Variants in LIMD1 observed in about 807,000 individuals in gnomAD.
LIMD1 encodes the protein LIM domain-containing protein 1.
Under a neutral mutation model 58.4 loss-of-function variants are expected in LIMD1, and 23 were observed. The ratio of observed to expected loss-of-function variants is 0.39; its 90% confidence interval spans 0.28 to 0.56. The LOEUF (loss-of-function observed/expected upper bound fraction) is 0.56, where lower values mean the gene tolerates loss of function less well. Ranked by LOEUF, LIMD1 falls within the 20% of genes least tolerant of loss-of-function variation. LIMD1 has a pLI of 0.57. For missense variants in LIMD1, 838 were observed against 855.5 expected (o/e 0.98, Z 0.25); for synonymous variants, 334 against 345.5 (o/e 0.97, Z 0.37).
chr3:45,603,590 C>T (rs13097531), intron 1 of LIMD1, among the ~76,000 whole-genome samples: 35,185 of 152,100 alleles, frequency 0.23, 4,289 homozygotes, highest in East Asian at 0.36. Context: ...ACATTCAAGA[C>T]TCCAATCTCT....
chr3:45,673,292 A>G (rs1697618888), intron 5 of LIMD1, among the ~76,000 whole-genome samples, 162 bp from the exon 6 acceptor site: 1 of 152,218 alleles, frequency 6.6e-6, no homozygotes, highest in South Asian at 2.1e-4. Flanking sequence ...ATACTAAGGC[A>G]TATTCCACAA....
At chr3:45,649,447 C>T (rs939402025) in intron 2 of LIMD1, among the ~76,000 whole-genome samples, 4 of 151,282 alleles carry the variant, frequency 2.6e-5, no homozygotes, top group Admixed American at 1.3e-4. Context: ...TTTGGGAGGC[C>T]GAGGCGGGCC....
chr3:45,639,371 T>C (rs1014652327), intron 2 of LIMD1, among the ~76,000 whole-genome samples: 1 of 152,318 alleles, frequency 6.6e-6, no homozygotes, highest in South Asian at 2.1e-4. Context: ...GGAAAACCAA[T>C]TGATGAGCGT....
intron 2 of LIMD1, among the ~76,000 whole-genome samples, chr3:45,650,327 T>C (rs1701954834): frequency 6.6e-6 from 1 of 152,186 alleles, no homozygotes. Flanking sequence ...CTTTTTGTTA[T>C]TTATTTATGT....
intron 4 of LIMD1, among the ~76,000 whole-genome samples, chr3:45,669,587 C>A (rs144872144): frequency 5.9e-5 from 9 of 152,230 alleles, no homozygotes; most frequent in African/African-American, 9.6e-5. Context: ...CACTCAAGAC[C>A]CCACTCCCAC....
chr3:45,619,827 C>CT (rs1701613374), intron 1 of LIMD1, among the ~76,000 whole-genome samples: 2 of 55,904 alleles, frequency 3.6e-5, no homozygotes, highest in Admixed American at 1.7e-4. Context: ...ACCAACCCCC[C>CT]GCCCCCCCCC....
At chr3:45,636,791 T>G (rs757267583) in intron 2 of LIMD1, among the ~76,000 whole-genome samples, 1 of 152,186 alleles carries the variant, frequency 6.6e-6, no homozygotes, top group Non-Finnish European at 1.5e-5. Context: ...AGCACACACC[T>G]GTGGGCATCT....
chr3:45,629,412 CAAA>C (rs57306025), intron 1 of LIMD1, among the ~76,000 whole-genome samples: 2 of 97,546 alleles, frequency 2.1e-5, no homozygotes, highest in East Asian at 2.6e-4. Context: ...ACTCTTGTCT[CAAA>C]AAAAAAAAAA....
rs955252042 is a variant in LIMD1, at chr3:45,654,571, G to C, written c.1511-11079G>C. ...CACGGCCTGCAGGTGGCTCACACCTGTAATCCCAGCACTGTGGGAGGCTGA... is the reference window on the plus strand; with the variant it reads ...CACGGCCTGCAGGTGGCTCACACCTCTAATCCCAGCACTGTGGGAGGCTGA... On this transcript the variant is annotated intron_variant, in intron 2 of 7. Coordinates refer to ENST00000273317, the MANE Select transcript of LIMD1 (RefSeq NM_014240.3). Among the ~76,000 whole-genome samples, 5 of 152,086 alleles carry C rather than the reference G, an allele frequency of 3.3e-5. No homozygotes were observed. The East Asian group carries it at 9.7e-4, about 29-fold the overall frequency.
In LIMD1 at chr3:45,676,956, A is replaced by G; in HGVS notation, c.1928A>G (p.His643Arg). The part of the protein sequence containing the change: ...CGLELNDEDG[H>R]RCYPLEDHLF... ...CTGGAGCTCAATGATGAAGATGGCC[A>G]CCGCTGTTATCCGCTGGAGGACCAC... Residue 643 changes from histidine (H) to arginine (R), a missense_variant, in exon 8 of 8, where the codon CAC (histidine) becomes CGC (arginine). Physicochemically the swap from His to Arg is conservative, Grantham distance 29. This residue lies in a region of LIMD1 where 174 missense variants were observed against 197.4 expected (regional missense o/e 0.88). Coordinates refer to ENST00000273317, the MANE Select transcript of LIMD1 (RefSeq NM_014240.3). The G allele has an allele frequency of 6.2e-7, 1 of 1,614,136 alleles. No individual in the cohort carries two copies. Among genetic ancestry groups the G allele is most frequent in the Non-Finnish European group, 8.5e-7 (1 of 1,180,002 alleles).
chr3:45,664,953 C>G (rs1697492591), intron 2 of LIMD1, among the ~76,000 whole-genome samples: 1 of 152,036 alleles, frequency 6.6e-6, no homozygotes, highest in Non-Finnish European at 1.5e-5. Flanking sequence ...CCCGGGACAC[C>G]CTCTGCTGAC....
chr3:45,671,027 A>G (rs1253034412), intron 4 of LIMD1, among the ~76,000 whole-genome samples: 1 of 152,218 alleles, frequency 6.6e-6, no homozygotes, highest in Non-Finnish European at 1.5e-5. Flanking sequence ...CACAATGTGG[A>G]TTAAATTAAT....
At chr3:45,675,639 A>G (rs1489369530) in intron 7 of LIMD1, among the ~76,000 whole-genome samples, 2 of 124,864 alleles carry the variant, frequency 1.6e-5, no homozygotes, top group Non-Finnish European at 3.8e-5. Context: ...AATTAAAGTC[A>G]TGTATCATTT....
chr3:45,637,159 A>G (rs1701797240), intron 2 of LIMD1, among the ~76,000 whole-genome samples: 1 of 152,200 alleles, frequency 6.6e-6, no homozygotes, highest in South Asian at 2.1e-4. Flanking sequence ...AAACCCTGCT[A>G]ATCAGAATCA....
At chr3:45,627,929 A>T (rs148656130) in intron 1 of LIMD1, among the ~76,000 whole-genome samples, 7,319 of 149,446 alleles carry the variant, frequency 0.049, 213 homozygotes, top group East Asian at 0.14. Context: ...AATCGCTTGA[A>T]CCTGGGAGGC....
intron 7 of LIMD1, among the ~76,000 whole-genome samples, chr3:45,675,677 C>T (rs887334964): frequency 1.3e-5 from 2 of 151,830 alleles, no homozygotes; most frequent in Admixed American, 6.6e-5. Flanking sequence ...ACAATTAAAA[C>T]GTTAAAAGAA....
chr3:45,681,997 C>G lies in LIMD1; in HGVS notation c.*4938C>G, dbSNP rs559433362. The G allele has an allele frequency of 1.3e-5, 2 of 152,274 alleles. No individual in the cohort carries two copies. Among genetic ancestry groups the G allele is most frequent in the South Asian group, 2.1e-4 (1 of 4,822 alleles). 9.4% of individuals were successfully genotyped at this position (152,274 alleles called of 1,614,324 possible). On this transcript the variant is annotated 3_prime_UTR_variant, in exon 8 of 8. Transcript: ENST00000273317. ...GACAGCCACATGCAGGAAGACAGGACTTGTAGAGTGTTGGGGCCAAGTGTG... is the reference window on the plus strand; with the variant it reads ...GACAGCCACATGCAGGAAGACAGGAGTTGTAGAGTGTTGGGGCCAAGTGTG...
At chr3:45,650,162 T>C (rs1204439849) in intron 2 of LIMD1, among the ~76,000 whole-genome samples, 2 of 152,282 alleles carry the variant, frequency 1.3e-5, no homozygotes, top group South Asian at 4.2e-4. Context: ...AGCTCACTTA[T>C]GCCCATTTCG....
chr3:45,595,266 G>T lies in LIMD1; in HGVS notation c.387G>T (p.Pro129=), dbSNP rs776359286. ...CTGCTGGGCAGCCCCCGTACCCACC[G>T]CAGGAGCAGAGATCCAGGCCATACC... ...TLAAGQPPYP[P]QEQRSRPYLH... Residue 129 remains proline (P), a synonymous_variant, in exon 1 of 8, where the codon CCG becomes CCT. Transcript: ENST00000273317. 1.9e-6 allele frequency: 3 copies of T among 1,611,596 alleles called. No individual in the cohort carries two copies. Among genetic ancestry groups the T allele is most frequent in the Admixed American group, 1.7e-5 (1 of 59,966 alleles).
Sources: gnomAD v4.1 joint callset for allele counts (sites outside exome capture counted in the v4.1 genomes callset) on GRCh38, gnomAD v4.1.1 for gene constraint, gnomAD v4.1.1 regional missense constraint, MANE v1.5 for transcripts, NCBI Gene and HGNC (gene_info 2026-07-23, HGNC 2026-07-21) for gene names.